The following CCN6 variants were observed in gnomAD, a reference collection of about 807,000 sequenced individuals.
The protein encoded by CCN6 is CCN family member 6.
A neutral mutation model predicts 37.4 loss-of-function variants in CCN6; 31 were observed. That is an observed-to-expected ratio of 0.83 (90% CI 0.62 to 1.12). The LOEUF (loss-of-function observed/expected upper bound fraction) is 1.12. CCN6 is among the 50% of genes most tolerant of loss of function. The probability of loss-of-function intolerance (pLI) is 0.00; values close to 1 mark genes in which losing one functional copy is unlikely to be tolerated. For missense variants in CCN6, 369 were observed against 413.8 expected (o/e 0.89, Z 0.94); for synonymous variants, 137 against 142.1 (o/e 0.96, Z 0.26).
chr6:112,067,524 G>GT (rs1176345018), intron 3 of CCN6, among the ~76,000 whole-genome samples: 2 of 152,054 alleles, frequency 1.3e-5, no homozygotes, highest in Non-Finnish European at 2.9e-5. Flanking sequence ...CATCCATTCT[G>GT]TTTTTTCATA....
At chr6:112,066,575 G>A (rs139909411) in intron 3 of CCN6, among the ~76,000 whole-genome samples, 1 of 152,274 alleles carries the variant, frequency 6.6e-6, no homozygotes, top group Admixed American at 6.5e-5. Flanking sequence ...AGACCTAGGT[G>A]TGTTTCAAAT....
intron 1 of CCN6, among the ~76,000 whole-genome samples, chr6:112,055,792 G>T (rs1397160709): frequency 6.6e-6 from 1 of 152,184 alleles, no homozygotes; most frequent in East Asian, 1.9e-4. Context: ...GTTTTGCCCT[G>T]TTGGCCAAGC....
intron 3 of CCN6, chr6:112,067,105 A>G: frequency 2.6e-6 from 3 of 1,142,508 alleles, no homozygotes; most frequent in Non-Finnish European, 3.6e-6. Context: ...CATAACACTG[A>G]AAGCAGTGTC....
chr6:112,067,020 G>T (rs368573183), intron 3 of CCN6: 172 of 1,366,252 alleles, frequency 1.3e-4, no homozygotes, highest in Non-Finnish European at 1.6e-4. Flanking sequence ...TTAAACTGTT[G>T]TCTACCTTCC....
intron 3 of CCN6, among the ~76,000 whole-genome samples, chr6:112,066,812 C>A (rs1012744577): frequency 6.6e-6 from 1 of 151,282 alleles, no homozygotes; most frequent in Admixed American, 6.6e-5. Flanking sequence ...TGCCCTCATG[C>A]TTTTTTCAAT....
Position 112,069,563 on chromosome 6 carries a change from G to T in CCN6, c.1008G>T (p.Val336=), listed in dbSNP as rs1776814495. The change falls in exon 5 of 5, where the codon GTG becomes GTT. Residue 336 remains valine, a synonymous_variant. Transcript: ENST00000368666. Reference sequence around the variant, plus strand: ...AGATGCTGTGGATTACATCTTGTGTGTGTCAGAGAAACTGCAGAGAACCTG... The same window carrying T: ...AGATGCTGTGGATTACATCTTGTGTTTGTCAGAGAAACTGCAGAGAACCTG... ...KWKMLWITSC[V]CQRNCREPGD... is the part of the protein sequence containing the mutation. The T allele has an allele frequency of 6.2e-7, 1 of 1,613,590 alleles. No homozygotes were observed. Among genetic ancestry groups the T allele is most frequent in the African/African-American group, 1.3e-5 (1 of 74,896 alleles).
intron 2 of CCN6, among the ~76,000 whole-genome samples, chr6:112,064,161 G>A (rs1433317560): frequency 6.6e-6 from 1 of 152,126 alleles, no homozygotes; most frequent in Non-Finnish European, 1.5e-5. Flanking sequence ...AGTGAAAAAG[G>A]CCAGCCACAT....
chr6:112,061,418 A>G, intron 2 of CCN6, 130 bp downstream of exon 2: 1 of 1,137,486 alleles, frequency 8.8e-7, no homozygotes. Flanking sequence ...TTCATGCACC[A>G]GTGGGACTGG....
At chr6:112,059,922 C>T (rs587735028) in intron 1 of CCN6, 2 of 1,314,044 alleles carry the variant, frequency 1.5e-6, no homozygotes, top group South Asian at 2.4e-5. Flanking sequence ...GGTGAAAGGA[C>T]TGGGATAGGG....
At chr6:112,057,361 G>A (rs1448074749) in intron 1 of CCN6, among the ~76,000 whole-genome samples, 5 of 152,226 alleles carry the variant, frequency 3.3e-5, no homozygotes, top group Non-Finnish European at 5.9e-5. Context: ...GAGCAACATA[G>A]TAGATGCACT....
At chr6:112,054,095 T>C, upstream of CCN6, 1 of 633,334 alleles carries the variant, frequency 1.6e-6, no homozygotes, top group East Asian at 2.8e-5. Flanking sequence ...GGGAGGAAAG[T>C]GCTCGCCCAT....
At chr6:112,060,870 G>A in intron 1 of CCN6, 121 bp from the exon 2 acceptor site, 2 of 1,155,770 alleles carry the variant, frequency 1.7e-6, no homozygotes, top group Middle Eastern at 2.8e-4. Flanking sequence ...GCTGATAGGT[G>A]TTATTATAAT....
chr6:112,066,111 C>T (rs1776688277), intron 3 of CCN6, among the ~76,000 whole-genome samples: 1 of 152,122 alleles, frequency 6.6e-6, no homozygotes, highest in Non-Finnish European at 1.5e-5. Context: ...AGAACTAACT[C>T]TATGAAAGGA....
In CCN6 at chr6:112,069,203, A is replaced by T. The variant is rs587724198; in HGVS notation, c.784-136A>T. The T allele has an allele frequency of 4.8e-5, 45 of 933,804 alleles. No individual in the cohort carries two copies. The South Asian group carries it at 5.6e-4, about 12-fold the overall frequency. 57.8% of individuals were successfully genotyped at this position (933,804 alleles called of 1,614,324 possible). Reference sequence around the variant, plus strand: ...AGAAGGGGATCTTAAGGGTAAAGAGAGTGCTGGAAATCACTACATAGCAAC... The same window carrying T: ...AGAAGGGGATCTTAAGGGTAAAGAGTGTGCTGGAAATCACTACATAGCAAC... On this transcript the variant is annotated intron_variant, in intron 4 of 4. Coordinates refer to ENST00000368666, the MANE Select transcript of CCN6 (RefSeq NM_198239.2).
intron 1 of CCN6, among the ~76,000 whole-genome samples, chr6:112,059,775 G>A (rs1776455563): frequency 6.6e-6 from 1 of 152,214 alleles, no homozygotes. Flanking sequence ...ACCATGTAAA[G>A]TGATTTATAA....
chr6:112,065,609 C>CGT (rs1776664898), intron 3 of CCN6, among the ~76,000 whole-genome samples: 2 of 106,480 alleles, frequency 1.9e-5, no homozygotes, highest in African/African-American at 8.6e-5. Context: ...CAAACACACA[C>CGT]GCACACACAC....
chr6:112,052,917 G>A (rs892953751), upstream of CCN6, among the ~76,000 whole-genome samples: 5 of 152,286 alleles, frequency 3.3e-5, no homozygotes, highest in Admixed American at 6.5e-5. Flanking sequence ...GGACAGCCTC[G>A]TTTTTCCCAG....
In CCN6 at chr6:112,054,560, A is replaced by T. The variant is rs1391207324; in HGVS notation, c.48+155A>T. The T allele has an allele frequency of 6.9e-6, 5 of 720,140 alleles. No individual in the cohort carries two copies. The African/African-American group carries it at 8.8e-5, about 13-fold the overall frequency. 44.6% of individuals were successfully genotyped at this position (720,140 alleles called of 1,614,324 possible). On this transcript the variant is annotated intron_variant, in intron 1 of 4. Coordinates refer to ENST00000368666, the MANE Select transcript of CCN6 (RefSeq NM_198239.2). ...AAATAGGAAGCCATTTTTCTTTCCA[A>T]ATAAAGTTCTGTGTTCGTTCATGAG...
chr6:112,064,871 C>T lies in CCN6; in HGVS notation c.463C>T (p.Leu155=). The change falls in exon 3 of 5, where the codon CTG becomes TTG. Residue 155 remains leucine, a synonymous_variant. Coordinates refer to ENST00000368666, the MANE Select transcript of CCN6 (RefSeq NM_198239.2). ...GAGTGGGGCCATTGGATGCACACCT[C>T]TGTTCATACCAAAGCTGGCTGGCAG... ...CVSGAIGCTP[L]FIPKLAGSHC... is the part of the protein sequence containing the mutation. 1 of 1,614,126 alleles carries T rather than the reference C, an allele frequency of 6.2e-7. No homozygotes were observed.
Sources: allele counts gnomAD v4.1 joint callset (sites outside exome capture counted in the v4.1 genomes callset), GRCh38; gene constraint gnomAD v4.1.1; transcripts MANE v1.5; gene names NCBI Gene and HGNC (gene_info 2026-07-23, HGNC 2026-07-21).